Variants in TRABD2A observed in about 807,000 individuals in gnomAD.
The protein encoded by TRABD2A is TraB domain containing 2A, also known as metalloprotease TIKI1.
In TRABD2A, 43 loss-of-function variants were observed where a neutral mutation model predicts 45.6. That is an observed-to-expected ratio of 0.94 (90% confidence interval 0.74 to 1.22). The LOEUF (loss-of-function observed/expected upper bound fraction) is 1.22, where lower values mean the gene tolerates loss of function less well. Among genes scored for constraint, TRABD2A ranks in the 50% most tolerant of loss-of-function variants. The pLI, the probability that TRABD2A is intolerant of heterozygous loss-of-function variation, is 0.00. For missense variants in TRABD2A, 642 were observed against 652.4 expected (o/e 0.98, Z 0.17); for synonymous variants, 269 against 265.0 (o/e 1.02, Z -0.15).
chr2:84,870,194 C>T, intron 2 of TRABD2A, 31 bp downstream of exon 2: 1 of 1,569,450 alleles, frequency 6.4e-7, no homozygotes, highest in Non-Finnish European at 8.7e-7. Context: ...AACCAAATGC[C>T]ACTAAGTCTT....
At chr2:84,831,451 G>A (rs145056084) in intron 5 of TRABD2A, among the ~76,000 whole-genome samples, 73 of 152,204 alleles carry the variant, frequency 4.8e-4, no homozygotes, top group African/African-American at 1.7e-3. Context: ...AGGCCAGTGG[G>A]TGGACAGCAT....
At chr2:84,871,435 C>A (rs79637194) in intron 1 of TRABD2A, among the ~76,000 whole-genome samples, 1,700 of 152,286 alleles carry the variant, frequency 0.011, 21 homozygotes, top group Non-Finnish European at 0.017. Context: ...CTGGGTCCCA[C>A]CCCAGACCAA....
Position 84,872,081 on chromosome 2 carries a change from A to G in TRABD2A, c.109-1296T>C, listed in dbSNP as rs1573955905. Among the ~76,000 whole-genome samples the G allele has an allele frequency of 3.3e-5, 5 of 152,254 alleles. No individual in the cohort carries two copies. The Middle Eastern group carries it at 0.01, about 311-fold the overall frequency. On this transcript the variant is annotated intron_variant, in intron 1 of 6. Transcript: ENST00000409520. ...ATCCTCAACAACTGGCATTTATAACATATCTGCTTATTAAGAGGCACTGTA... is the reference window on the plus strand; with the variant it reads ...ATCCTCAACAACTGGCATTTATAACGTATCTGCTTATTAAGAGGCACTGTA...
At chr2:84,861,498 CAGG>C (rs999440128) in intron 2 of TRABD2A, among the ~76,000 whole-genome samples, 1 of 152,080 alleles carries the variant, frequency 6.6e-6, no homozygotes, top group Admixed American at 6.6e-5. Flanking sequence ...ACTGATCTGA[CAGG>C]AGGAGGAGAT....
At chr2:84,854,834 C>T (rs768510192) in intron 2 of TRABD2A, among the ~76,000 whole-genome samples, 3 of 152,142 alleles carry the variant, frequency 2.0e-5, no homozygotes, top group African/African-American at 7.2e-5. Flanking sequence ...AACTAATGCC[C>T]CTTGCCCCCC....
At chr2:84,865,750 G>A (rs905726976) in intron 2 of TRABD2A, among the ~76,000 whole-genome samples, 1 of 152,180 alleles carries the variant, frequency 6.6e-6, no homozygotes, top group East Asian at 1.9e-4. Flanking sequence ...CCCTATGCCC[G>A]GAGCCTGTCC....
intron 5 of TRABD2A, among the ~76,000 whole-genome samples, chr2:84,827,704 A>C (rs1406357020): frequency 2.0e-5 from 3 of 152,222 alleles, no homozygotes; most frequent in East Asian, 1.9e-4. Flanking sequence ...AGAGTAGCCC[A>C]GGTTATCCAG....
intron 2 of TRABD2A, among the ~76,000 whole-genome samples, chr2:84,868,387 G>C (rs562758789): frequency 7.9e-4 from 117 of 148,080 alleles, no homozygotes; most frequent in African/African-American, 2.7e-3. Flanking sequence ...ATTGAACAAT[G>C]AGAACACTTG....
intron 1 of TRABD2A, among the ~76,000 whole-genome samples, chr2:84,879,225 C>T (rs1336981923): frequency 6.6e-6 from 1 of 151,126 alleles, no homozygotes; most frequent in Non-Finnish European, 1.5e-5. Flanking sequence ...GCTCTTTCAC[C>T]CAAGCTGGAG....
intron 6 of TRABD2A, 135 bp downstream of exon 6, chr2:84,823,818 G>GTGCC: frequency 8.0e-7 from 1 of 1,247,014 alleles, no homozygotes; most frequent in Admixed American, 2.8e-5. Context: ...CAGAAAAAGG[G>GTGCC]TGCCTGGGGT....
chr2:84,876,778 G>A (rs1354876424), intron 1 of TRABD2A, among the ~76,000 whole-genome samples: 1 of 152,060 alleles, frequency 6.6e-6, no homozygotes, highest in African/African-American at 2.4e-5. Flanking sequence ...ATCTAGAAAG[G>A]CTCTGTCCAG....
chr2:84,839,260 T>C lies in TRABD2A; in HGVS notation c.880A>G (p.Ser294Gly). 1 of 1,613,878 alleles carries C rather than the reference T, an allele frequency of 6.2e-7. No individual in the cohort carries two copies. Among genetic ancestry groups the C allele is most frequent in the East Asian group, 2.2e-5 (1 of 44,882 alleles). ...QERITAQEID[S>G]YLRRELIYKR... ...TAGATCAGCTCCCGGCGTAAGTAGC[T>C]GTCAATCTCCTGAGCAGTGATGCGC... is the stretch of plus-strand genomic sequence containing the variant. Residue 294 changes from serine (S) to glycine (G), a missense_variant, in exon 4 of 7, where the codon AGC (serine) becomes GGC (glycine). Transcript: ENST00000409520.
chr2:84,854,419 C>A (rs115214684), intron 2 of TRABD2A, among the ~76,000 whole-genome samples: 2 of 152,310 alleles, frequency 1.3e-5, no homozygotes, highest in Non-Finnish European at 2.9e-5. Flanking sequence ...TACAAAGGTT[C>A]TCTATTTATT....
chr2:84,844,999 A>G (rs898952063), intron 2 of TRABD2A, among the ~76,000 whole-genome samples: 3 of 152,242 alleles, frequency 2.0e-5, no homozygotes, highest in African/African-American at 7.2e-5. Context: ...ACCCATTGTA[A>G]CAGACATGTC....
chr2:84,880,998 G>A lies in TRABD2A; in HGVS notation c.42C>T (p.Leu14=), dbSNP rs754341817. The change falls in exon 1 of 7, where the codon CTC becomes CTT. Residue 14 remains leucine (L), a synonymous_variant. Transcript: ENST00000409520. The stretch of plus-strand genomic sequence containing the variant: ...GCCGCGAAGCTGCGCCCGTGGGCAG[G>A]AGGCAGAGGGTCTGCAGCAGGAACC... ...WSWFLLQTLC[L]LPTGAASRRG... is the part of the protein sequence containing the mutation. The A allele has an allele frequency of 3.1e-5, 49 of 1,605,862 alleles. No individual in the cohort carries two copies. The highest frequency in any genetic ancestry group is 2.3e-5 in the Non-Finnish European group (27 of 1,177,014).
chr2:84,866,678 C>T (rs1224536712), intron 2 of TRABD2A, among the ~76,000 whole-genome samples: 2 of 135,622 alleles, frequency 1.5e-5, no homozygotes, highest in African/African-American at 6.1e-5. Flanking sequence ...TTTCCAATTT[C>T]CTGCTTTTTT....
intron 4 of TRABD2A, chr2:84,833,585 A>G (rs879101288): frequency 9.9e-5 from 15 of 152,078 alleles, no homozygotes; most frequent in Admixed American, 7.2e-4. Flanking sequence ...TTTGCAATTA[A>G]AAGTTTGCTA....
chr2:84,851,798 C>T (rs960563142), intron 2 of TRABD2A, among the ~76,000 whole-genome samples: 5 of 152,236 alleles, frequency 3.3e-5, no homozygotes, highest in African/African-American at 1.2e-4. Context: ...TAATGGTGCT[C>T]TGCTGGTACT....
At chr2:84,852,127 C>A (rs1682117684) in intron 2 of TRABD2A, among the ~76,000 whole-genome samples, 1 of 152,186 alleles carries the variant, frequency 6.6e-6, no homozygotes, top group African/African-American at 2.4e-5. Flanking sequence ...AACGTAACCT[C>A]CACACACAAA....
Sources: gnomAD v4.1 joint callset for allele counts (sites outside exome capture counted in the v4.1 genomes callset) on GRCh38, gnomAD v4.1.1 for gene constraint, MANE v1.5 for transcripts, NCBI Gene and HGNC (gene_info 2026-07-23, HGNC 2026-07-21) for gene names.